Variants in BPIFB6 observed in about 807,000 individuals in gnomAD.
BPIFB6 encodes the protein BPI fold-containing family B member 6.
BPIFB6 carries 47 observed loss-of-function variants against 54.7 expected under a neutral mutation model. That is an observed-to-expected ratio of 0.86 (90% CI 0.68 to 1.10). The LOEUF (loss-of-function observed/expected upper bound fraction) is 1.10, where lower values mean the gene tolerates loss of function less well. BPIFB6 is among the 50% of genes least tolerant of loss of function. BPIFB6 has a pLI of 0.00. For synonymous variants in BPIFB6, 255 were observed against 225.9 expected (o/e 1.13, Z -1.16); for missense variants, 603 against 564.1 (o/e 1.07, Z -0.70).
chr20:33,038,958 C>CT lies in BPIFB6; in HGVS notation c.897dup (p.Glu300Ter), dbSNP rs772952944. 6.8e-6 allele frequency: 11 copies of CT among 1,613,956 alleles called. No homozygotes were observed. The highest frequency in any genetic ancestry group is 8.5e-6 in the Non-Finnish European group (10 of 1,180,012). ...ACCAAGACCCTGGCTCGCTTCATTC[C>CT]TGAAGTGAGTGCCCCACCTCCCCAT... is the stretch of plus-strand genomic sequence containing the variant. On this transcript the variant is annotated frameshift_variant, in exon 9 of 15. Coordinates refer to ENST00000349552, the MANE Select transcript of BPIFB6 (RefSeq NM_174897.2). LOFTEE classifies it high-confidence loss of function.
At chr20:33,036,872 A>C (rs987097658) in intron 7 of BPIFB6, among the ~76,000 whole-genome samples, 19 of 152,034 alleles carry the variant, frequency 1.2e-4, no homozygotes, top group Non-Finnish European at 2.5e-4. Context: ...GCAGTGACCT[A>C]CCCAAGGCCA....
intron 9 of BPIFB6, 146 bp from the exon 10 acceptor site, chr20:33,039,201 A>G: frequency 1.0e-6 from 1 of 965,474 alleles, no homozygotes. Flanking sequence ...TGTTTCTTTT[A>G]TTTCCTGATA....
chr20:33,040,316 C>G lies in BPIFB6; in HGVS notation c.1140C>G (p.Asp380Glu). Residue 380 changes from aspartate (D) to glutamate (E), a missense_variant and splice_region_variant, in exon 11 of 15, where the codon GAC becomes GAG. By Grantham distance (45) the Asp-to-Glu change is conservative (BLOSUM62 2). Coordinates refer to ENST00000349552, the MANE Select transcript of BPIFB6 (RefSeq NM_174897.2). ...ENQLQMATSLDRLLSLSRKSS... is the reference protein window; with the variant it reads ...ENQLQMATSLERLLSLSRKSS... The stretch of plus-strand genomic sequence containing the variant: ...AGCTGCAGATGGCCACTTCTTTGGA[C>G]AGGTACGACCCTGCTGCCCAATGCT... The G allele has an allele frequency of 1.2e-6, 2 of 1,613,920 alleles. No homozygotes were observed. Among genetic ancestry groups the G allele is most frequent in the Non-Finnish European group, 1.7e-6 (2 of 1,179,824 alleles).
chr20:33,039,718 TC>T (rs1979496834), intron 10 of BPIFB6, among the ~76,000 whole-genome samples, 198 bp downstream of exon 10: 2 of 152,244 alleles, frequency 1.3e-5, no homozygotes, highest in South Asian at 2.1e-4. Flanking sequence ...GCTTAGTCCT[TC>T]CTTTCTCTTT....
At chr20:33,035,756 G>C (rs1979311412) in intron 6 of BPIFB6, 84 bp downstream of exon 6, 1 of 1,398,922 alleles carries the variant, frequency 7.1e-7, no homozygotes, top group Non-Finnish European at 1.0e-6. Flanking sequence ...CCATCCTAGT[G>C]CCTGCTTCCA....
At chr20:33,044,103 TG>T (rs1426321283), downstream of BPIFB6, 6 of 1,606,974 alleles carry the variant, frequency 3.7e-6, no homozygotes, top group Non-Finnish European at 5.1e-6. Context: ...CTGCACCCCA[TG>T]GAGGAGACCC....
chr20:33,042,086 A>G (rs751879821), intron 12 of BPIFB6, 71 bp downstream of exon 12: 4 of 1,495,826 alleles, frequency 2.7e-6, no homozygotes, highest in Non-Finnish European at 3.7e-6. Flanking sequence ...TCGGAACTAC[A>G]GGGCCGAGGC....
Position 33,042,873 on chromosome 20 carries a change from T to C in BPIFB6, c.1247T>C (p.Val416Ala), listed in dbSNP as rs1467283580. ...SYLEEAYIPVVNDVLQVGLPL... is the reference protein window; with the variant it reads ...SYLEEAYIPVANDVLQVGLPL... ...CTCGAAGAAGCCTACATCCCAGTTG[T>C]CAATGGTGAGGGTTCCAAAAGGCTT... The change falls in exon 13 of 15, where the codon GTC (valine) becomes GCC (alanine). Residue 416 changes from valine (V) to alanine (A), a missense_variant. By Grantham distance (64) the Val-to-Ala change is moderately conservative. Coordinates refer to ENST00000349552, the MANE Select transcript of BPIFB6 (RefSeq NM_174897.2). 1 of 1,613,994 alleles carries C rather than the reference T, an allele frequency of 6.2e-7. No homozygotes were observed. The highest frequency in any genetic ancestry group is 1.7e-5 in the Admixed American group (1 of 60,004).
chr20:33,043,456 G>A (rs1979677634), intron 14 of BPIFB6, 89 bp downstream of exon 14: 2 of 1,292,952 alleles, frequency 1.5e-6, no homozygotes, highest in South Asian at 2.4e-5. Flanking sequence ...AAACTGGAAA[G>A]GGTAGAGCCT....
chr20:33,036,387 T>G, intron 6 of BPIFB6, 58 bp from the exon 7 acceptor site: 1 of 1,460,608 alleles, frequency 6.8e-7, no homozygotes, highest in Non-Finnish European at 9.3e-7. Flanking sequence ...TGGTGCCAGC[T>G]TCTCTGGGCT....
intron 6 of BPIFB6, 133 bp downstream of exon 6, chr20:33,035,805 G>A (rs572522853): frequency 3.7e-4 from 349 of 937,058 alleles, no homozygotes; most frequent in Non-Finnish European, 5.7e-4. Flanking sequence ...AGGTCATGAT[G>A]TTCATCCCCC....
chr20:33,039,426 C>T lies in BPIFB6; in HGVS notation c.980C>T (p.Thr327Ile), dbSNP rs770602260. 5 of 1,614,218 alleles carry T rather than the reference C, an allele frequency of 3.1e-6. No individual in the cohort carries two copies. The East Asian group carries it at 1.1e-4, about 36-fold the overall frequency. ...IKKPPKVTMK[T>I]GKSLLHLHST... ...AAGCCTCCCAAGGTCACTATGAAGACAGGCAAGAGCCTGCTGCACCTCCAC... is the reference window on the plus strand; with the variant it reads ...AAGCCTCCCAAGGTCACTATGAAGATAGGCAAGAGCCTGCTGCACCTCCAC... The change falls in exon 10 of 15, where the codon ACA becomes ATA. Residue 327 changes from threonine to isoleucine, a missense_variant. Transcript: ENST00000349552.
intron 2 of BPIFB6, 118 bp downstream of exon 2, chr20:33,033,201 C>T: frequency 3.8e-6 from 3 of 791,884 alleles, no homozygotes; most frequent in Middle Eastern, 2.3e-4. Flanking sequence ...GGGTCTCTTC[C>T]CTGCCTTGTG....
At chr20:33,035,916 G>A (rs1979320999) in intron 6 of BPIFB6, among the ~76,000 whole-genome samples, 1 of 152,110 alleles carries the variant, frequency 6.6e-6, no homozygotes, top group South Asian at 2.1e-4. Flanking sequence ...AGACTCCAAA[G>A]ACAGCAGCCC....
chr20:33,042,362 C>T (rs542229368), intron 12 of BPIFB6, among the ~76,000 whole-genome samples: 18 of 152,228 alleles, frequency 1.2e-4, no homozygotes, highest in Non-Finnish European at 2.5e-4. Flanking sequence ...GAGGTGCCAA[C>T]ACCACCACCA....
intron 12 of BPIFB6, 123 bp downstream of exon 12, chr20:33,042,138 G>A: frequency 1.1e-6 from 1 of 950,254 alleles, no homozygotes; most frequent in Non-Finnish European, 1.6e-6. Flanking sequence ...CCACTGTGAG[G>A]CGTGGCGCAC....
Position 33,034,130 on chromosome 20 carries a change from G to A in BPIFB6, c.198-56G>A, listed in dbSNP as rs913036017. The A allele has an allele frequency of 1.7e-5, 21 of 1,260,748 alleles. No homozygotes were observed. The African/African-American group carries it at 3.1e-4, about 19-fold the overall frequency. The allele number at this position is 1,260,748 out of a possible 1,614,324, so 78.1% of individuals were successfully genotyped here. A position where few individuals can be genotyped will look rare whatever the true frequency, so the allele number is the denominator to read the frequency against. On this transcript the variant is annotated intron_variant, in intron 2 of 14. Coordinates refer to ENST00000349552, the MANE Select transcript of BPIFB6 (RefSeq NM_174897.2). ...CCAGTAAAGTGGTGAAGTGGGTGGA[G>A]GTCCTGGGTCTTGCCTGCTCAGATC...
intron 12 of BPIFB6, 32 bp downstream of exon 12, chr20:33,042,047 C>T (rs781559178): frequency 1.1e-5 from 17 of 1,603,342 alleles, no homozygotes; most frequent in Admixed American, 6.7e-5. Flanking sequence ...GCCTGTCCGG[C>T]GTGAGGACAA....
rs768145524 is a variant in BPIFB6 at position 33,035,062 on chromosome 20, G to T, written c.453-19G>T. ...CTGGTGCACCTGCCCACCTATCCTC[G>T]GTGCCTGTGTCCATCTAGCATGCTC... is the stretch of plus-strand genomic sequence containing the variant. On this transcript the variant is annotated intron_variant, in intron 4 of 14. Transcript: ENST00000349552. 1 of 1,613,520 alleles carries T rather than the reference G, an allele frequency of 6.2e-7. No homozygotes were observed. Among genetic ancestry groups the T allele is most frequent in the Non-Finnish European group, 8.5e-7 (1 of 1,179,896 alleles).
Sources: gnomAD v4.1 joint callset for allele counts (sites outside exome capture counted in the v4.1 genomes callset) on GRCh38, gnomAD v4.1.1 for gene constraint, MANE v1.5 for transcripts, NCBI Gene and HGNC (gene_info 2026-07-23, HGNC 2026-07-21) for gene names.